The following GLDC variants were observed in gnomAD, a reference collection of about 807,000 sequenced individuals.
The protein encoded by GLDC is glycine decarboxylase.
GLDC carries 104 observed loss-of-function variants against 121.3 expected under a neutral mutation model. The ratio of observed to expected loss-of-function variants is 0.86; its 90% CI spans 0.73 to 1.01. GLDC has a LOEUF of 1.01. Ranked by LOEUF, GLDC falls within the 50% of genes least tolerant of loss-of-function variation. GLDC has a pLI of 0.00. For synonymous variants in GLDC, 546 were observed against 480.6 expected, an observed-to-expected ratio of 1.14 and a Z score of -1.78; for missense variants, 1,429 against 1,306.6, an observed-to-expected ratio of 1.09 and a Z score of -1.44.
At chr9:6,611,295 C>G (rs1303388999) in intron 3 of GLDC, among the ~76,000 whole-genome samples, 1 of 152,216 alleles carries the variant, frequency 6.6e-6, no homozygotes, top group African/African-American at 2.4e-5. Context: ...CGAGAGCTAC[C>G]ACACCTCACC....
intron 3 of GLDC, among the ~76,000 whole-genome samples, chr9:6,612,948 C>T (rs78747164): frequency 0.21 from 31,790 of 151,948 alleles, 3,706 homozygotes; most frequent in East Asian, 0.46. Flanking sequence ...GCCTGGGTGA[C>T]GGGAGTGAGA....
In GLDC at chr9:6,592,999, G is replaced by A. The variant is rs1465577559; in HGVS notation, c.1262-9C>T. The A allele has an allele frequency of 6.2e-7, 1 of 1,613,956 alleles. No homozygotes were observed. On this transcript the variant is annotated splice_polypyrimidine_tract_variant and intron_variant, in intron 9 of 24. Transcript: ENST00000321612. Reference sequence around the variant, plus strand: ...CCCTGCTCGCTTGAGACCTACACAAGATAGGAGATCCCCCAAACTCTCATA... The same window carrying A: ...CCCTGCTCGCTTGAGACCTACACAAAATAGGAGATCCCCCAAACTCTCATA...
At chr9:6,627,932 C>G (rs571579705) in intron 2 of GLDC, among the ~76,000 whole-genome samples, 1 of 152,142 alleles carries the variant, frequency 6.6e-6, no homozygotes, top group African/African-American at 2.4e-5. Flanking sequence ...GGAGAACAAA[C>G]CCAGTGTACC....
At chr9:6,546,181 T>C (rs4415375) in intron 21 of GLDC, among the ~76,000 whole-genome samples, 74,991 of 151,500 alleles carry the variant, frequency 0.49, 18,762 homozygotes, top group Admixed American at 0.56. Context: ...CTCAATATCA[T>C]TGTCTTCCAC....
chr9:6,554,610 A>G, intron 19 of GLDC, 59 bp downstream of exon 19: 1 of 1,133,624 alleles, frequency 8.8e-7, no homozygotes, highest in Non-Finnish European at 1.3e-6. Flanking sequence ...TAGTCTATTT[A>G]GGGCCACTCC....
At chr9:6,577,699 GCA>G (rs747329900) in intron 15 of GLDC, among the ~76,000 whole-genome samples, 16 of 151,530 alleles carry the variant, frequency 1.1e-4, no homozygotes, top group Admixed American at 7.2e-4. Context: ...ATGCCCCTGT[GCA>G]CACACACACA....
chr9:6,592,552 A>C (rs555998383), intron 10 of GLDC, among the ~76,000 whole-genome samples: 1 of 152,344 alleles, frequency 6.6e-6, no homozygotes, highest in Admixed American at 6.5e-5. Flanking sequence ...CCTGTATATC[A>C]GTTATCAGAG....
rs78727600 is a variant in GLDC, at chr9:6,614,302, T to C, written c.471-3946A>G. ...CAGACTGGAGTGCAGTGGCCTGATC[T>C]TGGCTCGCTGCAACCTCCACCTCCT... On this transcript the variant is annotated intron_variant, in intron 3 of 24. Transcript: ENST00000321612. 1.2e-3 allele frequency among the ~76,000 whole-genome samples: 189 copies of C among 152,280 alleles called. 1 individual carries two copies. The highest frequency in any genetic ancestry group is 4.3e-3 in the African/African-American group (177 of 41,558).
chr9:6,558,960 C>A (rs908826344), intron 16 of GLDC, among the ~76,000 whole-genome samples: 15 of 152,104 alleles, frequency 9.9e-5, no homozygotes, highest in African/African-American at 3.6e-4. Flanking sequence ...TAAAAATAGG[C>A]CTGGACTTAT....
At chr9:6,627,554 T>C (rs1284373216) in intron 2 of GLDC, among the ~76,000 whole-genome samples, 1 of 152,112 alleles carries the variant, frequency 6.6e-6, no homozygotes, top group African/African-American at 2.4e-5. Flanking sequence ...TTACCTTCTG[T>C]TGAGAACAAA....
chr9:6,592,931 G>C lies in GLDC; in HGVS notation c.1321C>G (p.Gln441Glu), dbSNP rs772148721. Residue 441 changes from glutamine to glutamate, a missense_variant, in exon 10 of 25, where the codon CAG becomes GAG. By Grantham distance (29) the Gln-to-Glu change is conservative. Coordinates refer to ENST00000321612, the MANE Select transcript of GLDC (RefSeq NM_000170.3). ...HDLFFDTLKIQCGCSVKEVLG... is the reference protein window; with the variant it reads ...HDLFFDTLKIECGCSVKEVLG... ...ACCTCCTTCACTGAGCAGCCACACT[G>C]AATCTTCAAGGTATCAAAGAACAGG... The C allele has an allele frequency of 5.0e-6, 8 of 1,613,930 alleles. 1 individual carries two copies. In the South Asian group the frequency reaches 8.8e-5, roughly 18 times the overall value.
At chr9:6,606,789 T>C in intron 4 of GLDC, 120 bp from the exon 5 acceptor site, 1 of 751,390 alleles carries the variant, frequency 1.3e-6, no homozygotes. Flanking sequence ...AAATACTGAG[T>C]AGGCCGGGTG....
Position 6,550,937 on chromosome 9 carries a change from C to T in GLDC, c.2458-23G>A, listed in dbSNP as rs1321096879. 3 of 1,455,062 alleles carry T rather than the reference C, an allele frequency of 2.1e-6. No individual in the cohort carries two copies. The African/African-American group carries it at 4.2e-5, about 20-fold the overall frequency. The allele number at this position is 1,455,062 out of a possible 1,614,324, so 90.1% of individuals were successfully genotyped here. A position where few individuals can be genotyped will look rare whatever the true frequency, so the allele number is the denominator to read the frequency against. ...CATCTGCAACAAAGGGAAAAAGAGCCATTAGCCATTGAACAGGCAAACACG... is the reference window on the plus strand; with the variant it reads ...CATCTGCAACAAAGGGAAAAAGAGCTATTAGCCATTGAACAGGCAAACACG... On this transcript the variant is annotated intron_variant, in intron 20 of 24. Transcript: ENST00000321612.
intron 3 of GLDC, among the ~76,000 whole-genome samples, chr9:6,615,403 C>A (rs945234220): frequency 2.7e-5 from 4 of 150,534 alleles, no homozygotes; most frequent in Non-Finnish European, 5.9e-5. Flanking sequence ...CACAGAGAAA[C>A]CTTGTCTCTA....
intron 6 of GLDC, 108 bp from the exon 7 acceptor site, chr9:6,604,892 A>G: frequency 1.0e-6 from 1 of 992,030 alleles, no homozygotes; most frequent in Non-Finnish European, 1.6e-6. Flanking sequence ...GTGTGTTCAC[A>G]TCCTGTGAAC....
At chr9:6,582,635 C>T (rs1383491269) in intron 15 of GLDC, among the ~76,000 whole-genome samples, 2 of 151,854 alleles carry the variant, frequency 1.3e-5, no homozygotes, top group Admixed American at 6.6e-5. Flanking sequence ...CGAGACCATC[C>T]TGGCTAACAC....
chr9:6,533,881 C>A (rs1587907912), intron 24 of GLDC, among the ~76,000 whole-genome samples: 1 of 149,794 alleles, frequency 6.7e-6, no homozygotes, highest in South Asian at 2.1e-4. Flanking sequence ...AAGTTAATTT[C>A]TCATACTGTG....
Position 6,602,163 on chromosome 9 carries a change from G to C in GLDC, c.1101C>G (p.Thr367=). The C allele has an allele frequency of 1.2e-6, 2 of 1,613,262 alleles. No homozygotes were observed. The highest frequency in any genetic ancestry group is 1.7e-6 in the Non-Finnish European group (2 of 1,179,342). Residue 367 remains threonine (T), a synonymous_variant, in exon 8 of 25, where the codon ACC becomes ACG. Coordinates refer to ENST00000321612, the MANE Select transcript of GLDC (RefSeq NM_000170.3). ...TGTCTCTCCGAATGTGTTGCTCCCT[G>C]GTTTGAAGAGCAAGACGATACACTT... ...GKEVYRLALQ[T]REQHIRRDKA...
intron 14 of GLDC, among the ~76,000 whole-genome samples, chr9:6,587,977 A>G (rs1818304062): frequency 6.6e-6 from 1 of 152,152 alleles, no homozygotes; most frequent in Non-Finnish European, 1.5e-5. Context: ...CGAGTTGCAC[A>G]AATCTTCTGT....
Sources: allele counts gnomAD v4.1 joint callset (sites outside exome capture counted in the v4.1 genomes callset), GRCh38; gene constraint gnomAD v4.1.1; transcripts MANE v1.5; gene names NCBI Gene and HGNC (gene_info 2026-07-23, HGNC 2026-07-21).